Variants in MAP3K5 observed in about 807,000 individuals in gnomAD.
The protein encoded by MAP3K5 is mitogen-activated protein kinase kinase kinase 5, also known as ASK-1.
Under a neutral mutation model 158.7 loss-of-function variants are expected in MAP3K5, and 56 were observed. The ratio of observed to expected loss-of-function variants is 0.35; its 90% CI spans 0.28 to 0.44. The LOEUF (loss-of-function observed/expected upper bound fraction) is 0.44. Among genes scored for constraint, MAP3K5 ranks in the 20% least tolerant of loss-of-function variants. The pLI, the probability that MAP3K5 is intolerant of heterozygous loss-of-function variation, is 1.00. For missense variants in MAP3K5, 1,294 were observed against 1,674.8 expected (o/e 0.77, Z 3.97); for synonymous variants, 579 against 601.7 (o/e 0.96, Z 0.55).
chr6:136,776,285 C>T (rs574875198), intron 1 of MAP3K5, among the ~76,000 whole-genome samples: 1 of 151,880 alleles, frequency 6.6e-6, no homozygotes, highest in Non-Finnish European at 1.5e-5. Context: ...TTGCTGTCAC[C>T]CAGGCTGGAG....
At chr6:136,743,200 C>G (rs1782785744) in intron 1 of MAP3K5, among the ~76,000 whole-genome samples, 1 of 152,232 alleles carries the variant, frequency 6.6e-6, no homozygotes, top group Non-Finnish European at 1.5e-5. Flanking sequence ...CCTGTAATCC[C>G]AGCACTTTGG....
At chr6:136,658,589 C>T (rs1778868816) in intron 9 of MAP3K5, among the ~76,000 whole-genome samples, 1 of 152,142 alleles carries the variant, frequency 6.6e-6, no homozygotes, top group Non-Finnish European at 1.5e-5. Flanking sequence ...GCTGGGATTA[C>T]AGGTGTGAGC....
chr6:136,650,862 C>G (rs1778488691), intron 11 of MAP3K5, 122 bp downstream of exon 11: 1 of 541,202 alleles, frequency 1.8e-6, no homozygotes, highest in African/African-American at 1.9e-5. Context: ...TATGCCAAGA[C>G]AGACACACAG....
intron 19 of MAP3K5, among the ~76,000 whole-genome samples, chr6:136,604,810 G>C (rs1415649260): frequency 6.6e-6 from 1 of 152,000 alleles, no homozygotes; most frequent in Non-Finnish European, 1.5e-5. Context: ...TATTATGGTA[G>C]AGAAGTAAAG....
At chr6:136,618,546 C>T (rs1434852840) in intron 15 of MAP3K5, among the ~76,000 whole-genome samples, 1 of 152,148 alleles carries the variant, frequency 6.6e-6, no homozygotes, top group African/African-American at 2.4e-5. Flanking sequence ...CACCTAAATC[C>T]ATCAGGAGTA....
intron 1 of MAP3K5, among the ~76,000 whole-genome samples, chr6:136,771,670 T>A (rs1784204537): frequency 6.6e-6 from 1 of 152,204 alleles, no homozygotes; most frequent in African/African-American, 2.4e-5. Flanking sequence ...GTCACAGAGC[T>A]GTAACACTGC....
Position 136,792,085 on chromosome 6 carries a change from G to A in MAP3K5, c.73C>T (p.Pro25Ser), listed in dbSNP as rs1785104101. ...CCCCTCCTGCAGATGCCGCCCTCGGGGATGGTGCAGAAGCCCGAGGGGGCG... is the reference window on the plus strand; with the variant it reads ...CCCCTCCTGCAGATGCCGCCCTCGGAGATGGTGCAGAAGCCCGAGGGGGCG... ...PFAPSGFCTIPEGGICRRGGA... is the reference protein window; with the variant it reads ...PFAPSGFCTISEGGICRRGGA... Residue 25 changes from proline (P) to serine (S), a missense_variant, in exon 1 of 30, where the codon CCC becomes TCC. By Grantham distance (74) the Pro-to-Ser change is moderately conservative (BLOSUM62 -1). This residue lies in a region of MAP3K5 where 690 missense variants were observed against 870.5 expected (regional missense o/e 0.79). Transcript: ENST00000359015. The surrounding 1 kb of genome is among the most constrained non-coding windows in gnomAD (Gnocchi z 5.7). 1.3e-6 allele frequency: 2 copies of A among 1,579,596 alleles called. No individual in the cohort carries two copies. The highest frequency in any genetic ancestry group is 1.7e-6 in the Non-Finnish European group (2 of 1,166,882).
chr6:136,652,816 A>G (rs997227787), intron 10 of MAP3K5, among the ~76,000 whole-genome samples: 2 of 152,216 alleles, frequency 1.3e-5, no homozygotes, highest in Admixed American at 1.3e-4. Context: ...ATCACTGTCT[A>G]ATATTTGTTG....
chr6:136,792,346 GCTCGCTCCTC>G lies in MAP3K5; in HGVS notation c.-199_-190del. 1 of 1,008,088 alleles carries G rather than the reference GCTCGCTCCTC, an allele frequency of 9.9e-7. No homozygotes were observed. Among genetic ancestry groups the G allele is most frequent in the Non-Finnish European group, 1.2e-6 (1 of 846,916 alleles). The allele number at this position is 1,008,088 out of a possible 1,614,324, so 62.4% of individuals were successfully genotyped here. ...GAGGGCACGCCGCTGCCCGGCGGCG[GCTCGCTCCTC>G]CTCGGCGCCTCCGTGGCCGCGCCGC... On this transcript the variant is annotated 5_prime_UTR_variant, in exon 1 of 30. Coordinates refer to ENST00000359015, the MANE Select transcript of MAP3K5 (RefSeq NM_005923.4). The surrounding 1 kb of genome is among the most constrained non-coding windows in gnomAD (Gnocchi z 5.7).
At chr6:136,696,100 A>T in intron 5 of MAP3K5, 43 bp from the exon 6 acceptor site, 1 of 1,175,888 alleles carries the variant, frequency 8.5e-7, no homozygotes. Context: ...AACCATTAGG[A>T]GAAAATTCTC....
intron 2 of MAP3K5, among the ~76,000 whole-genome samples, chr6:136,713,472 C>T (rs1562637574): frequency 6.6e-6 from 1 of 152,164 alleles, no homozygotes; most frequent in Non-Finnish European, 1.5e-5. Context: ...CTGAATTCTC[C>T]AGTCTTGAGT....
chr6:136,631,963 A>G (rs1407492339), intron 14 of MAP3K5, among the ~76,000 whole-genome samples: 5 of 152,214 alleles, frequency 3.3e-5, no homozygotes, highest in Non-Finnish European at 5.9e-5. Context: ...AGAGAAAAGC[A>G]AGAAGGGGAG....
At chr6:136,581,557 C>T (rs1228317390) in intron 24 of MAP3K5, among the ~76,000 whole-genome samples, 1 of 152,216 alleles carries the variant, frequency 6.6e-6, no homozygotes, top group Non-Finnish European at 1.5e-5. Flanking sequence ...ACCATCCCTA[C>T]TGCAGCTGGG....
chr6:136,598,146 T>C (rs1018664841), intron 21 of MAP3K5, among the ~76,000 whole-genome samples: 1 of 152,212 alleles, frequency 6.6e-6, no homozygotes, highest in African/African-American at 2.4e-5. Flanking sequence ...CCTCCCCTTT[T>C]ACTTTAAGCA....
intron 7 of MAP3K5, among the ~76,000 whole-genome samples, chr6:136,692,711 T>G (rs1276388512): frequency 6.6e-6 from 1 of 152,234 alleles, no homozygotes; most frequent in Non-Finnish European, 1.5e-5. Flanking sequence ...AGTCTTATCT[T>G]TTATGGTATA....
At position 136,567,634 on chromosome 6, in the gene MAP3K5, T is replaced by C; in HGVS notation, c.3758A>G (p.Asn1253Ser). 1 of 1,613,450 alleles carries C rather than the reference T, an allele frequency of 6.2e-7. No individual in the cohort carries two copies. Among genetic ancestry groups the C allele is most frequent in the South Asian group, 1.1e-5 (1 of 91,014 alleles). Residue 1253 changes from asparagine to serine, a missense_variant, in exon 26 of 30, where the codon AAT (asparagine) becomes AGT (serine). This residue lies in a region of MAP3K5 where 199 missense variants were observed against 220.3 expected (regional missense o/e 0.90). Coordinates refer to ENST00000359015, the MANE Select transcript of MAP3K5 (RefSeq NM_005923.4). ...VQLGRMKIET[N>S]RLLEELVRKE... ...CCCACGTCAGTGTAGGACTTACCTATTGGTTTCTATTTTCATCCTTCCAAG... is the reference window on the plus strand; with the variant it reads ...CCCACGTCAGTGTAGGACTTACCTACTGGTTTCTATTTTCATCCTTCCAAG...
Position 136,792,280 on chromosome 6 carries a change from C to A in MAP3K5, c.-123G>T, listed in dbSNP as rs1785116476. The A allele has an allele frequency of 9.2e-7, 1 of 1,091,588 alleles. No homozygotes were observed. Among genetic ancestry groups the A allele is most frequent in the Admixed American group, 5.3e-5 (1 of 18,966 alleles). 67.6% of individuals were successfully genotyped at this position (1,091,588 alleles called of 1,614,324 possible). A position where few individuals can be genotyped will look rare whatever the true frequency, so the allele number is the denominator to read the frequency against. Reference sequence around the variant, plus strand: ...CAGCTGCCATCGCGCGCCGCGCCCTCGCCGCCGCGCCGCCGCCTCCTCTCC... The same window carrying A: ...CAGCTGCCATCGCGCGCCGCGCCCTAGCCGCCGCGCCGCCGCCTCCTCTCC... On this transcript the variant is annotated 5_prime_UTR_variant, in exon 1 of 30. Transcript: ENST00000359015. This position sits in a 1 kb window ranked among gnomAD's most constrained non-coding sequence, Gnocchi z 5.7.
At chr6:136,591,705 C>G (rs1362045775) in intron 23 of MAP3K5, among the ~76,000 whole-genome samples, 1 of 152,220 alleles carries the variant, frequency 6.6e-6, no homozygotes, top group Non-Finnish European at 1.5e-5. Context: ...CTTCCCTTTG[C>G]CCTTCACCCT....
At chr6:136,611,107 C>CA (rs59508317) in intron 18 of MAP3K5, among the ~76,000 whole-genome samples, 175 bp downstream of exon 18, 2,454 of 24,432 alleles carry the variant, frequency 0.1, 487 homozygotes, top group Middle Eastern at 0.12. Flanking sequence ...GACCCTGTCT[C>CA]AAAAAAAAAA....
Sources: gnomAD v4.1 joint callset for allele counts (sites outside exome capture counted in the v4.1 genomes callset) on GRCh38, gnomAD v4.1.1 for gene constraint, gnomAD v4.1.1 regional missense constraint, Gnocchi (gnomAD v3.1) non-coding constraint, MANE v1.5 for transcripts, NCBI Gene and HGNC (gene_info 2026-07-23, HGNC 2026-07-21) for gene names.